Variants in DLGAP1 observed in about 807,000 individuals in gnomAD.
DLGAP1 encodes the protein DLG associated protein 1, also known as disks large-associated protein 1.
DLGAP1 carries 11 observed loss-of-function variants against 90.8 expected under a neutral mutation model. The ratio of observed to expected loss-of-function variants is 0.12; its 90% CI spans 0.08 to 0.20. The LOEUF (loss-of-function observed/expected upper bound fraction) is 0.20. DLGAP1 is among the 10% of genes least tolerant of loss of function. The pLI, the probability that DLGAP1 is intolerant of heterozygous loss-of-function variation, is 1.00. For synonymous variants in DLGAP1, 558 were observed against 540.7 expected (o/e 1.03, Z -0.44); for missense variants, 1,050 against 1,333.8 (o/e 0.79, Z 3.31).
chr18:3,630,003 C>T (rs567874387), intron 7 of DLGAP1, among the ~76,000 whole-genome samples: 2 of 152,268 alleles, frequency 1.3e-5, no homozygotes, highest in South Asian at 2.1e-4. Flanking sequence ...ACTAGAATTG[C>T]TTAGGAGGGC....
intron 5 of DLGAP1, among the ~76,000 whole-genome samples, chr18:3,770,446 A>T (rs1470503941): frequency 6.6e-6 from 1 of 152,162 alleles, no homozygotes; most frequent in African/African-American, 2.4e-5. Flanking sequence ...TTGATGCCAT[A>T]ATTAAGGCAA....
At chr18:4,179,189 T>G (rs565139264) in intron 1 of DLGAP1, among the ~76,000 whole-genome samples, 1 of 152,292 alleles carries the variant, frequency 6.6e-6, no homozygotes, top group African/African-American at 2.4e-5. Context: ...TACCTCTTTT[T>G]TTTGTAACCT....
chr18:4,399,509 A>G (rs1468337387), intron 1 of DLGAP1, among the ~76,000 whole-genome samples: 1 of 152,246 alleles, frequency 6.6e-6, no homozygotes, highest in Non-Finnish European at 1.5e-5. Flanking sequence ...GAGTAGAGAA[A>G]TAAAAATGTA....
chr18:3,796,964 G>T (rs2066020744), intron 5 of DLGAP1, among the ~76,000 whole-genome samples: 1 of 152,130 alleles, frequency 6.6e-6, no homozygotes, highest in Non-Finnish European at 1.5e-5. Flanking sequence ...TGGAGATGGG[G>T]CCTTTGGGAG....
chr18:4,430,503 T>TGTGTGC (rs2083264177), intron 1 of DLGAP1: 2 of 816 alleles, frequency 2.5e-3, no homozygotes, highest in South Asian at 0.056. Flanking sequence ...CTTGTGTGTC[T>TGTGTGC]GTGTGTGTGT....
chr18:4,176,927 A>G (rs576254538), intron 1 of DLGAP1, among the ~76,000 whole-genome samples: 29 of 152,270 alleles, frequency 1.9e-4, no homozygotes, highest in African/African-American at 6.5e-4. Flanking sequence ...TGTGCCCAGC[A>G]TATTTTCCTA....
chr18:4,118,967 G>A (rs990898603), intron 2 of DLGAP1, among the ~76,000 whole-genome samples: 8 of 150,416 alleles, frequency 5.3e-5, no homozygotes, highest in South Asian at 2.3e-4. Context: ...TTCCCTTTGC[G>A]TTATAAATAA....
intron 1 of DLGAP1, among the ~76,000 whole-genome samples, chr18:4,250,338 A>G (rs1343151918): frequency 6.6e-6 from 1 of 152,230 alleles, no homozygotes; most frequent in Non-Finnish European, 1.5e-5. Context: ...TTCTGCTATT[A>G]GGTACAACAC....
intron 7 of DLGAP1, chr18:3,655,789 G>A (rs2059461126): frequency 2.9e-6 from 1 of 349,760 alleles, no homozygotes; most frequent in African/African-American, 2.1e-5. Flanking sequence ...CCTCAAATAA[G>A]GCCACAGAAG....
At chr18:3,582,322 A>T (rs1489082569) in intron 7 of DLGAP1, 74 bp from the exon 8 acceptor site, 1 of 1,544,004 alleles carries the variant, frequency 6.5e-7, no homozygotes, top group Non-Finnish European at 8.7e-7. Context: ...ACTGACAGCC[A>T]TTGGGAATTA....
At chr18:3,991,412 C>A (rs1259088585) in intron 3 of DLGAP1, among the ~76,000 whole-genome samples, 2 of 152,126 alleles carry the variant, frequency 1.3e-5, no homozygotes, top group East Asian at 3.9e-4. Context: ...GGAGTCCAAA[C>A]CTTATGCTAA....
At chr18:3,792,208 C>G (rs527429707) in intron 5 of DLGAP1, among the ~76,000 whole-genome samples, 1 of 152,118 alleles carries the variant, frequency 6.6e-6, no homozygotes, top group Admixed American at 6.5e-5. Context: ...GGGCTGGGCA[C>G]GATGGCTCAC....
intron 2 of DLGAP1, among the ~76,000 whole-genome samples, chr18:4,103,934 T>C (rs1400902672): frequency 6.6e-6 from 1 of 152,182 alleles, no homozygotes; most frequent in Non-Finnish European, 1.5e-5. Flanking sequence ...GTCATTCTTA[T>C]AATTTTAATT....
At chr18:4,357,578 A>G (rs973678662) in intron 1 of DLGAP1, among the ~76,000 whole-genome samples, 1 of 152,210 alleles carries the variant, frequency 6.6e-6, no homozygotes, top group Admixed American at 6.5e-5. Flanking sequence ...TATTTAACCA[A>G]TTATGCAAGT....
At chr18:4,426,993 G>A (rs1279861926) in intron 1 of DLGAP1, among the ~76,000 whole-genome samples, 1 of 152,206 alleles carries the variant, frequency 6.6e-6, no homozygotes, top group Non-Finnish European at 1.5e-5. Context: ...AGGCATTATA[G>A]ATTTTGAATT....
At chr18:4,231,668 C>A (rs1014543977) in intron 1 of DLGAP1, among the ~76,000 whole-genome samples, 2 of 152,050 alleles carry the variant, frequency 1.3e-5, no homozygotes, top group Non-Finnish European at 2.9e-5. Context: ...TGGATCCTCC[C>A]ATATCCTCTA....
chr18:3,741,261 TCAC>T (rs201995089), intron 6 of DLGAP1, among the ~76,000 whole-genome samples: 82 of 37,944 alleles, frequency 2.2e-3, no homozygotes, highest in African/African-American at 5.2e-3. Context: ...ACCACCACAA[TCAC>T]CACCACCACA....
intron 8 of DLGAP1, among the ~76,000 whole-genome samples, chr18:3,572,073 T>G (rs981377369): frequency 1.4e-5 from 2 of 140,284 alleles, no homozygotes. Context: ...TTCTAGGTTT[T>G]TTTTTTTTTT....
rs532212979 is a variant in DLGAP1 at position 3,757,843 on chromosome 18, C to T, written c.1173-15331G>A. On this transcript the variant is annotated intron_variant, in intron 5 of 12. Transcript: ENST00000315677. ...CTATAAGACTGAGAGAGGGTGGACGCGGTGGCTGTTGCCTGTAATCCCAGC... is the reference window on the plus strand; with the variant it reads ...CTATAAGACTGAGAGAGGGTGGACGTGGTGGCTGTTGCCTGTAATCCCAGC... Among the ~76,000 whole-genome samples, 78 of 152,198 alleles carry T rather than the reference C, an allele frequency of 5.1e-4. 2 individuals carry two copies. The highest frequency in any genetic ancestry group is 1.2e-3 in the South Asian group (6 of 4,814).
Sources: gnomAD v4.1 joint callset for allele counts (sites outside exome capture counted in the v4.1 genomes callset) on GRCh38, gnomAD v4.1.1 for gene constraint, MANE v1.5 for transcripts, NCBI Gene and HGNC (gene_info 2026-07-23, HGNC 2026-07-21) for gene names.